Variants in TTLL10 observed in about 807,000 individuals in gnomAD.
TTLL10 encodes the protein tubulin tyrosine ligase like 10.
TTLL10 carries 61 observed loss-of-function variants against 69.0 expected under a neutral mutation model. That is an observed-to-expected ratio of 0.88 (90% CI 0.72 to 1.09). The LOEUF is 1.09. Among genes scored for constraint, TTLL10 ranks in the 50% least tolerant of loss-of-function variants. TTLL10 has a pLI of 0.00. For synonymous variants in TTLL10, 408 were observed against 393.3 expected (o/e 1.04, Z -0.44); for missense variants, 962 against 945.9 (o/e 1.02, Z -0.22).
intron 11 of TTLL10, among the ~76,000 whole-genome samples, chr1:1,183,299 T>C (rs1328587389): frequency 1.3e-5 from 2 of 152,152 alleles, no homozygotes; most frequent in African/African-American, 2.4e-5. Context: ...CCCTCTGTCC[T>C]GCAGGTGGCC....
intron 6 of TTLL10, 26 bp from the exon 7 acceptor site, chr1:1,180,457 G>GGCCCCC: frequency 1.3e-6 from 2 of 1,520,748 alleles, no homozygotes; most frequent in Non-Finnish European, 1.8e-6. Flanking sequence ...CGGCCCCCAG[G>GGCCCCC]TCACCCCCGC....
chr1:1,175,449 G>T, intron 3 of TTLL10: 1 of 356,010 alleles, frequency 2.8e-6, no homozygotes, highest in South Asian at 2.1e-5. Context: ...TCCACACGCT[G>T]CCCTGTCCAT....
At chr1:1,196,108 C>A (rs1257159454) in intron 13 of TTLL10, among the ~76,000 whole-genome samples, 1 of 152,208 alleles carries the variant, frequency 6.6e-6, no homozygotes, top group Non-Finnish European at 1.5e-5. Flanking sequence ...CAAATGGGAT[C>A]TTCCAAGGAA....
chr1:1,179,953 G>T, intron 5 of TTLL10, 81 bp from the exon 6 acceptor site: 1 of 1,445,466 alleles, frequency 6.9e-7, no homozygotes, highest in South Asian at 1.5e-5. Context: ...GAAATGGGCT[G>T]GGAGCAAACT....
intron 13 of TTLL10, among the ~76,000 whole-genome samples, chr1:1,191,573 T>G (rs1268042399): frequency 1.3e-5 from 2 of 152,168 alleles, no homozygotes; most frequent in East Asian, 1.9e-4. Context: ...TGTTTTTGGG[T>G]GTAGTGTTCT....
Position 1,184,186 on chromosome 1 carries a change from CAGA to C in TTLL10, c.1260+98_1260+100del, listed in dbSNP as rs886794412. On this transcript the variant is annotated intron_variant, in intron 12 of 15. Coordinates refer to ENST00000379289, the MANE Select transcript of TTLL10 (RefSeq NM_001130045.2). ...AGGGGGTGCAGAGGGGGTGCAGCTACAGAAGGAGGTGGCCCAGGCCGGGAGGTG... is the reference window on the plus strand; with the variant it reads ...AGGGGGTGCAGAGGGGGTGCAGCTACAGGAGGTGGCCCAGGCCGGGAGGTG... 1.4e-5 allele frequency: 21 copies of C among 1,540,460 alleles called. 1 individual carries two copies. The African/African-American group carries it at 1.8e-4, about 13-fold the overall frequency.
At position 1,197,791 on chromosome 1, in the gene TTLL10, C is replaced by CA. The variant is rs1191956519; in HGVS notation, c.1966_1967insA (p.Pro656HisfsTer14). The CA allele has an allele frequency of 5.2e-6, 8 of 1,529,626 alleles. No individual in the cohort carries two copies. Among genetic ancestry groups the CA allele is most frequent in the Non-Finnish European group, 7.0e-6 (8 of 1,139,890 alleles). 94.8% of individuals were successfully genotyped at this position (1,529,626 alleles called of 1,614,324 possible). A position where few individuals can be genotyped will look rare whatever the true frequency, so the allele number is the denominator to read the frequency against. On this transcript the variant is annotated frameshift_variant, in exon 16 of 16. Transcript: ENST00000379289. LOFTEE classifies it high-confidence loss of function. ...AGGCAACAGGCACCCGGCGCAAGAG[C>CA]CTTCCCCGGGGACAGCCAAGGAGGA...
At chr1:1,180,415 G>A (rs1477859201) in intron 6 of TTLL10, 68 bp from the exon 7 acceptor site, 46 of 1,540,896 alleles carry the variant, frequency 3.0e-5, no homozygotes, top group East Asian at 7.4e-5. Flanking sequence ...CCCGGCCTCC[G>A]CTGGCCGCCC....
chr1:1,184,216 C>T (rs1647178586), intron 12 of TTLL10, 125 bp downstream of exon 12: 1 of 1,380,068 alleles, frequency 7.2e-7, no homozygotes, highest in African/African-American at 1.4e-5. Context: ...CGGGAGGTGT[C>T]TCAGGCCTGG....
rs768623555 is a variant in TTLL10, at chr1:1,180,231, C to T, written c.397C>T (p.Pro133Ser). ...ADSDDTNAAG[P>S]SAALLEGLLL... ...CTCGGATGACACTAACGCCGCCGGG[C>T]CCTCAGCTGCCCTCCTGGAGGGGCT... The change falls in exon 6 of 16, where the codon CCC becomes TCC. Residue 133 changes from proline to serine, a missense_variant. By Grantham distance (74) the Pro-to-Ser change is moderately conservative. Coordinates refer to ENST00000379289, the MANE Select transcript of TTLL10 (RefSeq NM_001130045.2). The T allele has an allele frequency of 1.1e-5, 17 of 1,607,170 alleles. No homozygotes were observed. In the South Asian group the frequency reaches 1.9e-4, roughly 18 times the overall value.
At chr1:1,197,213 C>T in intron 15 of TTLL10, 27 bp downstream of exon 15, 3 of 1,534,652 alleles carry the variant, frequency 2.0e-6, no homozygotes, top group Non-Finnish European at 2.6e-6. Flanking sequence ...CCACCCCACA[C>T]CCCCACAACC....
chr1:1,184,747 C>T (rs57934946), intron 12 of TTLL10, among the ~76,000 whole-genome samples: 9,677 of 121,014 alleles, frequency 0.08, 12 homozygotes, highest in African/African-American at 0.19. Context: ...CACCGTGTGC[C>T]CCCAGTTCAT....
chr1:1,180,848 G>C lies in TTLL10; in HGVS notation c.743G>C (p.Gly248Ala). Residue 248 changes from glycine (G) to alanine (A), a missense_variant, in exon 8 of 16, where the codon GGG becomes GCG. Physicochemically the swap from Gly to Ala is moderately conservative, Grantham distance 60. Coordinates refer to ENST00000379289, the MANE Select transcript of TTLL10 (RefSeq NM_001130045.2). ...AGCAAGGCCAGCAAGGTGCCGGGGG[G>C]GGTCCAGGCCAGGTGAGTCTGCCCC... ...AMSKASKVPG[G>A]VQARLEKDAA... The C allele has an allele frequency of 6.3e-7, 1 of 1,575,000 alleles. No homozygotes were observed. Among genetic ancestry groups the C allele is most frequent in the Non-Finnish European group, 8.6e-7 (1 of 1,160,970 alleles).
chr1:1,176,489 C>CGGA (rs1646876466), intron 3 of TTLL10: 2 of 439,146 alleles, frequency 4.6e-6, no homozygotes, highest in Non-Finnish European at 9.2e-6. Context: ...CCAGGCTTCC[C>CGGA]GGAGGGACGG....
chr1:1,176,498 G>A (rs910967240), intron 3 of TTLL10: 12 of 433,442 alleles, frequency 2.8e-5, no homozygotes, highest in African/African-American at 6.0e-5. Context: ...CCGGAGGGAC[G>A]GATGTCTCCT....
intron 13 of TTLL10, among the ~76,000 whole-genome samples, chr1:1,189,888 G>A (rs1379762544): frequency 2.0e-5 from 3 of 152,096 alleles, no homozygotes; most frequent in African/African-American, 7.2e-5. Flanking sequence ...CGAGGAAGGT[G>A]GATCATGAGG....
chr1:1,181,664 C>A lies in TTLL10; in HGVS notation c.756-77C>A. On this transcript the variant is annotated intron_variant, in intron 8 of 15. Coordinates refer to ENST00000379289, the MANE Select transcript of TTLL10 (RefSeq NM_001130045.2). This position sits in a 1 kb window ranked among gnomAD's most constrained non-coding sequence, Gnocchi z 4.6. ...AGTCCGCCCACTCACCACCCATGCC[C>A]CATCCCCCAGTCCCCACCCGCTCCA... 1.5e-6 allele frequency: 2 copies of A among 1,379,124 alleles called. No homozygotes were observed. The highest frequency in any genetic ancestry group is 2.6e-5 in the South Asian group (2 of 76,606). 85.4% of individuals were successfully genotyped at this position (1,379,124 alleles called of 1,614,324 possible).
At position 1,181,822 on chromosome 1, in the gene TTLL10, T is replaced by C; in HGVS notation, c.830+7T>C. 6.2e-7 allele frequency: 1 copy of C among 1,602,428 alleles called. No individual in the cohort carries two copies. Among genetic ancestry groups the C allele is most frequent in the Non-Finnish European group, 8.5e-7 (1 of 1,175,544 alleles). ...GATACCTCAGGCCACAGAGGTAGAC[T>C]CAGCCCAGCTGTGAGGGGCCCTTCA... On this transcript the variant is annotated splice_region_variant and intron_variant, in intron 9 of 15. Coordinates refer to ENST00000379289, the MANE Select transcript of TTLL10 (RefSeq NM_001130045.2). This position sits in a 1 kb window ranked among gnomAD's most constrained non-coding sequence, Gnocchi z 4.6.
chr1:1,175,932 G>A (rs757713385), intron 3 of TTLL10: 1 of 442,882 alleles, frequency 2.3e-6, no homozygotes, highest in South Asian at 1.6e-5. Context: ...CCGCTGTGCA[G>A]GTGGAGAGAG....
Sources: gnomAD v4.1 joint callset for allele counts (sites outside exome capture counted in the v4.1 genomes callset) on GRCh38, gnomAD v4.1.1 for gene constraint, Gnocchi (gnomAD v3.1) non-coding constraint, MANE v1.5 for transcripts, NCBI Gene and HGNC (gene_info 2026-07-23, HGNC 2026-07-21) for gene names.